The following PCDHGA9 variants were observed in gnomAD, a reference collection of about 807,000 sequenced individuals.
PCDHGA9 encodes protocadherin gamma-A9.
A neutral mutation model predicts 62.5 loss-of-function variants in PCDHGA9; 37 were observed. That is an observed-to-expected ratio of 0.59 (90% CI 0.46 to 0.78). The LOEUF is 0.78. PCDHGA9 is among the 30% of genes least tolerant of loss of function. The probability of loss-of-function intolerance (pLI) is 0.00; values close to 1 mark genes in which losing one functional copy is unlikely to be tolerated. For synonymous variants in PCDHGA9, 459 were observed against 484.6 expected, an observed-to-expected ratio of 0.95 and a Z score of 0.69; for missense variants, 1,138 against 1,166.2, an observed-to-expected ratio of 0.98 and a Z score of 0.35.
In PCDHGA9 at chr5:141,505,414, C is replaced by T. The variant is rs373956550; in HGVS notation, c.2505C>T (p.Thr835=). The T allele has an allele frequency of 3.0e-5, 48 of 1,614,046 alleles. No homozygotes were observed. In the African/African-American group the frequency reaches 3.1e-4, roughly 10 times the overall value. The change falls in exon 3 of 4, where the codon ACC becomes ACT. Residue 835 remains threonine (T), a synonymous_variant. Transcript: ENST00000573521. ...CCAGCTCCCAAAATGGCGATGACACCGGCACCTGGCCCAACAACCAGTTTG... is the reference window on the plus strand; with the variant it reads ...CCAGCTCCCAAAATGGCGATGACACTGGCACCTGGCCCAACAACCAGTTTG... ...GTSGSQNGDD[T]GTWPNNQFDT...
intron 1 of PCDHGA9, among the ~76,000 whole-genome samples, chr5:141,483,679 CAGAA>C (rs1470395939): frequency 6.7e-6 from 1 of 149,028 alleles, no homozygotes; most frequent in Non-Finnish European, 1.5e-5. Flanking sequence ...TAAAAGAACA[CAGAA>C]AGCCAGATTC....
At position 141,491,303 on chromosome 5, in the gene PCDHGA9, C is replaced by T; in HGVS notation, c.2425-3504C>T. On this transcript the variant is annotated intron_variant, in intron 1 of 3. Coordinates refer to ENST00000573521, the MANE Select transcript of PCDHGA9 (RefSeq NM_018921.3). This position sits in a 1 kb window ranked among gnomAD's most constrained non-coding sequence, Gnocchi z 6.9. ...TTCCTCATACACCCTCCTGAGCGTT[C>T]AGACCTTACCCTTTACCTCATTGTG... 6.2e-7 allele frequency: 1 copy of T among 1,614,132 alleles called. No homozygotes were observed. The highest frequency in any genetic ancestry group is 8.5e-7 in the Non-Finnish European group (1 of 1,179,962).
At chr5:141,420,010 GTC>G in intron 1 of PCDHGA9, 1 of 1,614,088 alleles carries the variant, frequency 6.2e-7, no homozygotes, top group South Asian at 1.1e-5. Context: ...GCCTGCGACA[GTC>G]TTTCAGCCCT....
At chr5:141,426,539 T>C in intron 1 of PCDHGA9, 2 of 347,388 alleles carry the variant, frequency 5.8e-6, no homozygotes, top group South Asian at 4.4e-5. Flanking sequence ...GGGAACATAC[T>C]TGTGAGTGAC....
chr5:141,417,768 C>A lies in PCDHGA9; in HGVS notation c.2424+12392C>A, dbSNP rs1444250512. On this transcript the variant is annotated intron_variant, in intron 1 of 3. Coordinates refer to ENST00000573521, the MANE Select transcript of PCDHGA9 (RefSeq NM_018921.3). ...ATTGCCAGCTCCGAGACCCGGGACT[C>A]CTCCTGTCCTGGGCCGAATGCTCTT... is the stretch of plus-strand genomic sequence containing the variant. 1.3e-5 allele frequency: 19 copies of A among 1,451,358 alleles called. No individual in the cohort carries two copies. In the South Asian group the frequency reaches 1.7e-4, roughly 13 times the overall value. The allele number at this position is 1,451,358 out of a possible 1,614,324, so 89.9% of individuals were successfully genotyped here. A position where few individuals can be genotyped will look rare whatever the true frequency, so the allele number is the denominator to read the frequency against.
chr5:141,477,191 A>C lies in PCDHGA9; in HGVS notation c.2425-17616A>C. 1 of 1,614,210 alleles carries C rather than the reference A, an allele frequency of 6.2e-7. No individual in the cohort carries two copies. The highest frequency in any genetic ancestry group is 1.1e-5 in the South Asian group (1 of 91,086). ...GGAGATCACAGTCACCTCCGTGTAC[A>C]GCCCAGTACCCGAGGATGCCCCTCT... On this transcript the variant is annotated intron_variant, in intron 1 of 3. Coordinates refer to ENST00000573521, the MANE Select transcript of PCDHGA9 (RefSeq NM_018921.3). This position sits in a 1 kb window ranked among gnomAD's most constrained non-coding sequence, Gnocchi z 4.9.
chr5:141,497,693 C>T (rs2099778709), intron 2 of PCDHGA9, among the ~76,000 whole-genome samples: 2 of 152,136 alleles, frequency 1.3e-5, no homozygotes, highest in Admixed American at 6.5e-5. Context: ...GTGTGCACCA[C>T]CACACCCAGC....
chr5:141,418,506 A>G, intron 1 of PCDHGA9: 1 of 1,613,978 alleles, frequency 6.2e-7, no homozygotes, highest in Non-Finnish European at 8.5e-7. Flanking sequence ...ACCGCCTTAG[A>G]TGGTGGGGAC....
Position 141,477,889 on chromosome 5 carries a change from A to T in PCDHGA9, c.2425-16918A>T. 1 of 1,614,152 alleles carries T rather than the reference A, an allele frequency of 6.2e-7. No homozygotes were observed. Among genetic ancestry groups the T allele is most frequent in the Admixed American group, 1.7e-5 (1 of 60,016 alleles). On this transcript the variant is annotated intron_variant, in intron 1 of 3. Coordinates refer to ENST00000573521, the MANE Select transcript of PCDHGA9 (RefSeq NM_018921.3). This position sits in a 1 kb window ranked among gnomAD's most constrained non-coding sequence, Gnocchi z 4.9. The stretch of plus-strand genomic sequence containing the variant: ...GTACCTCAGCTGGCCACCTAGTGTC[A>T]CGGGTGGTAGGCTGGGACGCGGATG...
At chr5:141,408,220 G>C (rs2095061412) in intron 1 of PCDHGA9, 1 of 1,558,876 alleles carries the variant, frequency 6.4e-7, no homozygotes, top group Non-Finnish European at 8.7e-7. Flanking sequence ...GGAGCTGCGC[G>C]CAGAGGCGCC....
chr5:141,410,885 G>A (rs970749503), intron 1 of PCDHGA9: 7 of 287,302 alleles, frequency 2.4e-5, no homozygotes, highest in African/African-American at 1.6e-4. Context: ...ATGGAGTCTC[G>A]CACTGTTGCC....
chr5:141,415,783 A>G, intron 1 of PCDHGA9: 1 of 1,344,604 alleles, frequency 7.4e-7, no homozygotes, highest in Non-Finnish European at 9.5e-7. Context: ...ACTTTCTGGT[A>G]AAATTCACCT....
intron 1 of PCDHGA9, chr5:141,410,497 T>TG (rs1192894414): frequency 6.2e-7 from 1 of 1,613,998 alleles, no homozygotes; most frequent in South Asian, 1.1e-5. Flanking sequence ...AAGAGTTTAA[T>TG]TTCCTAAAAT....
Position 141,491,531 on chromosome 5 carries a change from T to G in PCDHGA9, c.2425-3276T>G, listed in dbSNP as rs532897059. On this transcript the variant is annotated intron_variant, in intron 1 of 3. Coordinates refer to ENST00000573521, the MANE Select transcript of PCDHGA9 (RefSeq NM_018921.3). This position sits in a 1 kb window ranked among gnomAD's most constrained non-coding sequence, Gnocchi z 6.9. ...ACGCTCAAGTACATGGAGGTGACGC[T>G]GCGGCCCACAGACTCGCAGAGCCAC... The G allele has an allele frequency of 6.2e-7, 1 of 1,614,044 alleles. No homozygotes were observed. The highest frequency in any genetic ancestry group is 1.7e-5 in the Admixed American group (1 of 60,028).
rs553462245 is a variant in PCDHGA9 at position 141,511,198 on chromosome 5, A to T, written c.*25A>T. Reference sequence around the variant, plus strand: ...ACATGGAGGCCAGGCCAAGAGCCACAGGGCGGCCTCTCCCCAACCAGCCCA... The same window carrying T: ...ACATGGAGGCCAGGCCAAGAGCCACTGGGCGGCCTCTCCCCAACCAGCCCA... On this transcript the variant is annotated 3_prime_UTR_variant, in exon 4 of 4. Transcript: ENST00000573521. The T allele has an allele frequency of 2.7e-5, 43 of 1,612,954 alleles. 1 individual carries two copies. The South Asian group carries it at 4.5e-4, about 17-fold the overall frequency.
In PCDHGA9 at chr5:141,432,887, T is replaced by G. The variant is rs146168033; in HGVS notation, c.2424+27511T>G. 2.8e-4 allele frequency: 451 copies of G among 1,614,156 alleles called. No individual in the cohort carries two copies. In the African/African-American group the frequency reaches 4.6e-3, roughly 17 times the overall value. ...CTGCGTCTTCCTGGCCTTCGTCATC[T>G]TGCTGCTGGCGCTCAGGCTGCGGCG... is the stretch of plus-strand genomic sequence containing the variant. On this transcript the variant is annotated intron_variant, in intron 1 of 3. Transcript: ENST00000573521. The surrounding 1 kb of genome is among the most constrained non-coding windows in gnomAD (Gnocchi z 6.0).
intron 2 of PCDHGA9, among the ~76,000 whole-genome samples, chr5:141,496,013 T>C (rs2154591828): frequency 6.6e-6 from 1 of 152,134 alleles, no homozygotes; most frequent in East Asian, 1.9e-4. Flanking sequence ...CTTGTCTTTT[T>C]TCTCTGAGCC....
intron 1 of PCDHGA9, among the ~76,000 whole-genome samples, chr5:141,435,568 A>C (rs564789030): frequency 8.7e-4 from 132 of 152,274 alleles, no homozygotes; most frequent in Middle Eastern, 6.8e-3. Context: ...TTTTTTTAGT[A>C]CTGGGGCAAA....
chr5:141,485,674 T>C lies in PCDHGA9; in HGVS notation c.2425-9133T>C. 1 of 1,612,986 alleles carries C rather than the reference T, an allele frequency of 6.2e-7. No homozygotes were observed. Among genetic ancestry groups the C allele is most frequent in the South Asian group, 1.1e-5 (1 of 91,072 alleles). Reference sequence around the variant, plus strand: ...ATGCAGATGTGGGGAGCAATTCGATTAGCAGCTATAGGCTGAGCTCCAATG... The same window carrying C: ...ATGCAGATGTGGGGAGCAATTCGATCAGCAGCTATAGGCTGAGCTCCAATG... On this transcript the variant is annotated intron_variant, in intron 1 of 3. Transcript: ENST00000573521. This position sits in a 1 kb window ranked among gnomAD's most constrained non-coding sequence, Gnocchi z 5.7.
Sources: allele counts gnomAD v4.1 joint callset (sites outside exome capture counted in the v4.1 genomes callset), GRCh38; gene constraint gnomAD v4.1.1; non-coding constraint Gnocchi (gnomAD v3.1); transcripts MANE v1.5; gene names NCBI Gene and HGNC (gene_info 2026-07-23, HGNC 2026-07-21).